The following ARHGEF28 variants were observed in gnomAD, a reference collection of about 807,000 sequenced individuals.
ARHGEF28 encodes the protein 190 kDa guanine nucleotide exchange factor.
Under a neutral mutation model 206.6 loss-of-function variants are expected in ARHGEF28, and 152 were observed. The ratio of observed to expected loss-of-function variants is 0.74; its 90% CI spans 0.64 to 0.84. The LOEUF (loss-of-function observed/expected upper bound fraction) is 0.84. Among genes scored for constraint, ARHGEF28 ranks in the 40% least tolerant of loss-of-function variants. The pLI, the probability that ARHGEF28 is intolerant of heterozygous loss-of-function variation, is 0.00. For missense variants in ARHGEF28, 2,028 were observed against 2,073.2 expected, an observed-to-expected ratio of 0.98 and a Z score of 0.42; for synonymous variants, 763 against 776.4, an observed-to-expected ratio of 0.98 and a Z score of 0.29.
intron 31 of ARHGEF28, chr5:73,901,708 A>T: frequency 6.6e-6 from 1 of 152,300 alleles, no homozygotes; most frequent in Non-Finnish European, 1.5e-5. Flanking sequence ...ACCTTCCTTG[A>T]CCCTCCTCTC....
Position 73,702,273 on chromosome 5 carries a change from TATAAC to T in ARHGEF28, c.33+17393_33+17397del, listed in dbSNP as rs572023809. Among the ~76,000 whole-genome samples, 547 of 152,344 alleles carry T rather than the reference TATAAC, an allele frequency of 3.6e-3. 3 individuals are homozygous for T. The highest frequency in any genetic ancestry group is 0.013 in the African/African-American group (527 of 41,584). ...TTTCTTTTCAGAAATTCTGGTAAAA[TATAAC>T]ATATCATGTATTTAATCAATCTTTA... On this transcript the variant is annotated intron_variant, in intron 2 of 35. Coordinates refer to ENST00000513042, the MANE Select transcript of ARHGEF28 (RefSeq NM_001177693.2).
chr5:73,750,593 T>C (rs1291271896), intron 3 of ARHGEF28, among the ~76,000 whole-genome samples: 1 of 152,152 alleles, frequency 6.6e-6, no homozygotes. Flanking sequence ...AGATGACAAA[T>C]TAATATATCC....
intron 33 of ARHGEF28, among the ~76,000 whole-genome samples, chr5:73,907,784 A>G (rs1236118763): frequency 6.6e-6 from 1 of 152,246 alleles, no homozygotes; most frequent in Non-Finnish European, 1.5e-5. Flanking sequence ...TGAATATCCG[A>G]TCTTCAGATT....
intron 26 of ARHGEF28, 98 bp from the exon 27 acceptor site, chr5:73,891,940 TGGAAGTGGAGAAAG>T: frequency 1.1e-6 from 1 of 922,584 alleles, no homozygotes; most frequent in Non-Finnish European, 1.6e-6. Flanking sequence ...TTGAAAAGAT[TGGAAGTGGAGAAAG>T]GTTTACCTAG....
At chr5:73,829,669 C>T (rs756884096) in intron 9 of ARHGEF28, among the ~76,000 whole-genome samples, 2 of 152,140 alleles carry the variant, frequency 1.3e-5, no homozygotes, top group Admixed American at 6.5e-5. Context: ...CGTGAGCCAC[C>T]GCGCCTGGCC....
rs7716722 is a variant in ARHGEF28 at position 73,794,709 on chromosome 5, T to C, written c.963+255T>C. On this transcript the variant is annotated intron_variant, in intron 8 of 35. Coordinates refer to ENST00000513042, the MANE Select transcript of ARHGEF28 (RefSeq NM_001177693.2). The stretch of plus-strand genomic sequence containing the variant: ...GCAACTTCTGCCTCCTGGGTTCAAA[T>C]GATTCTCCTGCCTCACCCTCCTGAG... Among the ~76,000 whole-genome samples, 90,032 of 150,662 alleles carry C rather than the reference T, an allele frequency of 0.6. 28,016 individuals are homozygous for C. Among genetic ancestry groups the C allele is most frequent in the African/African-American group, 0.79 (32,445 of 41,038 alleles).
intron 2 of ARHGEF28, among the ~76,000 whole-genome samples, chr5:73,720,117 G>A (rs1211940630): frequency 1.3e-5 from 2 of 152,242 alleles, no homozygotes; most frequent in African/African-American, 4.8e-5. Flanking sequence ...AAGGTGCTTT[G>A]AGTATGGCAA....
chr5:73,823,968 T>C (rs1364906220), intron 9 of ARHGEF28, among the ~76,000 whole-genome samples: 1 of 152,174 alleles, frequency 6.6e-6, no homozygotes, highest in East Asian at 1.9e-4. Context: ...GTAAGCACCA[T>C]AGTTATGTTA....
At chr5:73,919,767 G>A (rs1166822478) in intron 35 of ARHGEF28, among the ~76,000 whole-genome samples, 4 of 152,166 alleles carry the variant, frequency 2.6e-5, no homozygotes, top group African/African-American at 7.2e-5. Flanking sequence ...TTTGAGTTTG[G>A]TTATCCTGAA....
intron 7 of ARHGEF28, among the ~76,000 whole-genome samples, chr5:73,789,617 A>G (rs1028154061): frequency 2.6e-5 from 4 of 152,212 alleles, no homozygotes; most frequent in Non-Finnish European, 5.9e-5. Context: ...GGGAGTATAT[A>G]CCAACATTTA....
chr5:73,711,634 A>ATATG (rs1358695796), intron 2 of ARHGEF28, among the ~76,000 whole-genome samples: 2 of 152,128 alleles, frequency 1.3e-5, no homozygotes, highest in African/African-American at 4.8e-5. Context: ...CATTGCTAGT[A>ATATG]TATGGGAATA....
chr5:73,710,741 T>TGCCAG (rs1440557798), intron 2 of ARHGEF28, among the ~76,000 whole-genome samples: 1 of 152,166 alleles, frequency 6.6e-6, no homozygotes, highest in Non-Finnish European at 1.5e-5. Flanking sequence ...CTTTCTCTGT[T>TGCCAG]GCCTAGGCTG....
At chr5:73,831,128 A>G (rs1186300296) in intron 9 of ARHGEF28, among the ~76,000 whole-genome samples, 1 of 152,222 alleles carries the variant, frequency 6.6e-6, no homozygotes, top group African/African-American at 2.4e-5. Flanking sequence ...TACAAATTTA[A>G]TAGTAATTCT....
rs746739029 is a variant in ARHGEF28 at position 73,840,638 on chromosome 5, G to T, written c.1305G>T (p.Gly435=). Residue 435 remains glycine, a synonymous_variant, in exon 11 of 36, where the codon GGG becomes GGT. Coordinates refer to ENST00000513042, the MANE Select transcript of ARHGEF28 (RefSeq NM_001177693.2). ...ACCCACTTAGTGAAAATGTCGAAGG[G>T]ACAGCACACACTGAAGCCCAGCAGT... ...SVYPLSENVE[G]TAHTEAQQSF... 1 of 1,613,874 alleles carries T rather than the reference G, an allele frequency of 6.2e-7. No individual in the cohort carries two copies. The highest frequency in any genetic ancestry group is 1.1e-5 in the South Asian group (1 of 91,064).
chr5:73,878,553 C>T (rs1228061122), intron 22 of ARHGEF28, among the ~76,000 whole-genome samples: 15 of 151,200 alleles, frequency 9.9e-5, no homozygotes, highest in South Asian at 2.1e-4. Flanking sequence ...GATTTTGCAG[C>T]GGCTGGTACC....
At chr5:73,792,379 A>C (rs2112481606) in intron 7 of ARHGEF28, among the ~76,000 whole-genome samples, 1 of 152,342 alleles carries the variant, frequency 6.6e-6, no homozygotes, top group Non-Finnish European at 1.5e-5. Flanking sequence ...AGGTGTGAAC[A>C]CATCCTCTGT....
At chr5:73,675,218 C>A (rs965269283) in intron 1 of ARHGEF28, among the ~76,000 whole-genome samples, 1 of 152,160 alleles carries the variant, frequency 6.6e-6, no homozygotes, top group Non-Finnish European at 1.5e-5. Context: ...GTGTCTGCTG[C>A]AGAATTGCTT....
intron 2 of ARHGEF28, among the ~76,000 whole-genome samples, chr5:73,730,293 G>C (rs1406814400): frequency 1.3e-5 from 2 of 152,120 alleles, no homozygotes; most frequent in Admixed American, 6.6e-5. Flanking sequence ...GTAGTTGGGG[G>C]TAAAAATGCT....
At chr5:73,844,341 A>C (rs1758167701) in intron 11 of ARHGEF28, among the ~76,000 whole-genome samples, 1 of 152,174 alleles carries the variant, frequency 6.6e-6, no homozygotes, top group Non-Finnish European at 1.5e-5. Flanking sequence ...GTTGAAAGAC[A>C]AGTGCTGAGG....
Sources: allele counts gnomAD v4.1 joint callset (sites outside exome capture counted in the v4.1 genomes callset), GRCh38; gene constraint gnomAD v4.1.1; transcripts MANE v1.5; gene names NCBI Gene and HGNC (gene_info 2026-07-23, HGNC 2026-07-21).